The following BMX variants were observed in gnomAD, a reference collection of about 807,000 sequenced individuals.
BMX encodes BMX non-receptor tyrosine kinase.
In BMX, 31 loss-of-function variants were observed where a neutral mutation model predicts 59.2. The observed-to-expected ratio is 0.52, with a 90% CI of 0.39 to 0.71. The LOEUF is 0.71. Ranked by LOEUF, BMX falls within the 30% of genes least tolerant of loss-of-function variation. The probability of loss-of-function intolerance (pLI) is 0.00; values close to 1 mark genes in which losing one functional copy is unlikely to be tolerated. For synonymous variants in BMX, 185 were observed against 181.0 expected, an observed-to-expected ratio of 1.02 and a Z score of -0.18; for missense variants, 474 against 491.7, an observed-to-expected ratio of 0.96 and a Z score of 0.34.
intron 5 of BMX, 52 bp downstream of exon 5, chrX:15,516,283 T>C: frequency 2.5e-6 from 3 of 1,182,656 alleles, no homozygotes; most frequent in East Asian, 6.0e-5. Context: ...AGTGCTCCAT[T>C]AGGCTAAACC....
At chrX:15,530,155 C>A in intron 10 of BMX, 128 bp downstream of exon 10, 1 of 642,724 alleles carries the variant, frequency 1.6e-6, no homozygotes, top group Non-Finnish European at 2.4e-6. Flanking sequence ...GTTGCTTGTC[C>A]AGTCTGTGGG....
intron 3 of BMX, 22 bp downstream of exon 3, chrX:15,509,455 C>G: frequency 1.9e-6 from 2 of 1,049,053 alleles, no homozygotes; most frequent in Non-Finnish European, 2.6e-6. Context: ...AACGACATTG[C>G]ATTGGGTGGA....
At chrX:15,518,020 T>C (rs1386989505) in intron 6 of BMX, 27 bp downstream of exon 6, 2 of 1,153,723 alleles carry the variant, frequency 1.7e-6, no homozygotes, top group Non-Finnish European at 2.4e-6. Context: ...AAAATGTTTT[T>C]CATGGTCAGG....
chrX:15,552,431 T>C (rs1296473379), intron 18 of BMX, among the ~76,000 whole-genome samples: 1 of 112,270 alleles, frequency 8.9e-6, no homozygotes, highest in Non-Finnish European at 1.9e-5. Flanking sequence ...ATAATGTTCT[T>C]TCCCCTCTGG....
chrX:15,529,836 A>G, intron 9 of BMX, 137 bp from the exon 10 acceptor site: 5 of 456,496 alleles, frequency 1.1e-5, no homozygotes, highest in Non-Finnish European at 1.5e-5. Flanking sequence ...AAGCTCCTCA[A>G]ATCATTCTCT....
At chrX:15,532,331 T>G (rs1397853640) in intron 11 of BMX, among the ~76,000 whole-genome samples, 4 of 110,957 alleles carry the variant, frequency 3.6e-5, no homozygotes, top group African/African-American at 1.3e-4. Context: ...TTTTTTTTCC[T>G]TCTAATCGTC....
chrX:15,537,061 A>C, intron 13 of BMX, 73 bp from the exon 14 acceptor site: 1 of 1,067,843 alleles, frequency 9.4e-7, no homozygotes, highest in Middle Eastern at 3.0e-4. Flanking sequence ...ATTGGAGAAG[A>C]AATCACTTGG....
At chrX:15,527,244 AC>A (rs1251587279) in intron 9 of BMX, among the ~76,000 whole-genome samples, 217 of 18,913 alleles carry the variant, frequency 0.011, 4 homozygotes, top group African/African-American at 0.044. Flanking sequence ...ACACACACAC[AC>A]AAATATATAT....
intron 6 of BMX, among the ~76,000 whole-genome samples, chrX:15,520,648 G>A (rs907477010): frequency 1.8e-5 from 2 of 111,529 alleles, no homozygotes; most frequent in African/African-American, 3.3e-5. Context: ...AGTGGCTAAG[G>A]GTTCATAAGC....
At chrX:15,525,197 C>G in intron 7 of BMX, 91 bp from the exon 8 acceptor site, 3 of 882,399 alleles carry the variant, frequency 3.4e-6, no homozygotes, top group Non-Finnish European at 4.7e-6. Context: ...TCAAATAAAG[C>G]TAAAACATAT....
chrX:15,514,910 A>G (rs925776849), intron 4 of BMX, among the ~76,000 whole-genome samples: 2 of 111,661 alleles, frequency 1.8e-5, no homozygotes, highest in Non-Finnish European at 3.8e-5. Context: ...TATAAAGGCC[A>G]TTATTGGAAT....
At chrX:15,530,172 G>A (rs1924998541) in intron 10 of BMX, 145 bp downstream of exon 10, 2 of 501,984 alleles carry the variant, frequency 4.0e-6, no homozygotes, top group African/African-American at 2.4e-5. Flanking sequence ...TGGGTTGCCC[G>A]ACTCTTCATG....
intron 11 of BMX, among the ~76,000 whole-genome samples, chrX:15,532,600 G>A (rs1484069312): frequency 2.7e-5 from 3 of 112,143 alleles, no homozygotes; most frequent in Non-Finnish European, 5.6e-5. Flanking sequence ...TTTTTTAGCA[G>A]CTAGATTGAA....
At chrX:15,511,992 A>G (rs1279966964) in intron 4 of BMX, among the ~76,000 whole-genome samples, 1 of 112,406 alleles carries the variant, frequency 8.9e-6, no homozygotes, top group East Asian at 2.8e-4. Context: ...TGACAACTCT[A>G]TTGAAAGGGG....
At chrX:15,501,646 G>A (rs910689753) in intron 1 of BMX, among the ~76,000 whole-genome samples, 4 of 111,812 alleles carry the variant, frequency 3.6e-5, no homozygotes, top group African/African-American at 1.3e-4. Context: ...ATTTGGCTGC[G>A]CGAGGTCTCG....
chrX:15,544,965 A>G (rs1207854696), intron 16 of BMX, among the ~76,000 whole-genome samples: 3 of 111,978 alleles, frequency 2.7e-5, no homozygotes, highest in Non-Finnish European at 5.6e-5. Flanking sequence ...TCCAATTGCC[A>G]TAACTCCTGT....
At chrX:15,501,672 T>C (rs1408540011) in intron 1 of BMX, among the ~76,000 whole-genome samples, 1 of 111,555 alleles carries the variant, frequency 9.0e-6, no homozygotes, top group Non-Finnish European at 1.9e-5. Flanking sequence ...GAACTGAGAG[T>C]CTGCATGTCT....
Position 15,508,479 on chromosome X carries a change from A to G in BMX, c.126A>G (p.Glu42=). 8.5e-7 allele frequency: 1 copy of G among 1,176,752 alleles called. No individual in the cohort carries two copies. Residue 42 remains glutamate (E), a synonymous_variant, in exon 2 of 19, where the codon GAA becomes GAG. Transcript: ENST00000348343. ...CCAAAACAAACCTTTCCTACTATGA[A>G]TATGACAAAATGGTGAGACATCATG... ...VLTKTNLSYY[E]YDKMKRGSRK...
intron 18 of BMX, among the ~76,000 whole-genome samples, chrX:15,551,937 G>A (rs1352230613): frequency 1.8e-5 from 2 of 111,484 alleles, no homozygotes; most frequent in South Asian, 3.8e-4. Context: ...GAGAACATTG[G>A]AGAAAACAGG....
Sources: gnomAD v4.1 joint callset for allele counts (sites outside exome capture counted in the v4.1 genomes callset) on GRCh38, gnomAD v4.1.1 for gene constraint, MANE v1.5 for transcripts, NCBI Gene and HGNC (gene_info 2026-07-23, HGNC 2026-07-21) for gene names.